LRP1B: variants seen among roughly 807,000 people sequenced by gnomAD.
The protein encoded by LRP1B is LDL receptor related protein 1B.
In LRP1B, 217 loss-of-function variants were observed where a neutral mutation model predicts 556.6. The ratio of observed to expected loss-of-function variants is 0.39; its 90% CI spans 0.35 to 0.44. The LOEUF is 0.44. LRP1B is among the 20% of genes least tolerant of loss of function. LRP1B has a pLI of 1.00. For synonymous variants in LRP1B, 2,047 were observed against 1,865.8 expected (o/e 1.10, Z -2.50); for missense variants, 5,053 against 5,620.8 (o/e 0.90, Z 3.23).
At chr2:141,739,730 G>T (rs1693627288) in intron 2 of LRP1B, among the ~76,000 whole-genome samples, 1 of 148,424 alleles carries the variant, frequency 6.7e-6, no homozygotes, top group African/African-American at 2.5e-5. Context: ...CAATACCAAT[G>T]AATAAAAGAT....
chr2:141,256,877 AAAAGT>A (rs1203761672), intron 3 of LRP1B, among the ~76,000 whole-genome samples: 1 of 152,062 alleles, frequency 6.6e-6, no homozygotes, highest in Non-Finnish European at 1.5e-5. Flanking sequence ...TTGAAACCTA[AAAAGT>A]AAAGAAGCAT....
At chr2:141,673,502 C>A (rs778524974) in intron 2 of LRP1B, among the ~76,000 whole-genome samples, 22 of 152,128 alleles carry the variant, frequency 1.4e-4, no homozygotes, top group Non-Finnish European at 3.1e-4. Context: ...TTTCATACAT[C>A]CTCTGGACAT....
intron 1 of LRP1B, among the ~76,000 whole-genome samples, chr2:141,951,363 A>G (rs565096786): frequency 6.6e-6 from 1 of 152,222 alleles, no homozygotes; most frequent in East Asian, 1.9e-4. Context: ...CCGAGTCCCC[A>G]AAGTCCGCTA....
At chr2:140,946,844 TA>T (rs1444248817) in intron 20 of LRP1B, among the ~76,000 whole-genome samples, 6 of 152,058 alleles carry the variant, frequency 3.9e-5, no homozygotes, top group African/African-American at 1.4e-4. Context: ...TATGCAACCA[TA>T]AAAAGGAACA....
intron 2 of LRP1B, among the ~76,000 whole-genome samples, chr2:141,591,508 A>T (rs1043799509): frequency 2.0e-4 from 31 of 151,234 alleles, no homozygotes; most frequent in African/African-American, 7.6e-4. Flanking sequence ...AGCAGAGGTC[A>T]ATTAGAAACA....
In LRP1B at chr2:141,927,903, C is replaced by CAA. The variant is rs5834879; in HGVS notation, c.83-117504_83-117503dup. 9.7e-3 allele frequency among the ~76,000 whole-genome samples: 1,083 copies of CAA among 111,090 alleles called. 25 individuals are homozygous for CAA. Among genetic ancestry groups the CAA allele is most frequent in the East Asian group, 0.03 (110 of 3,694 alleles). 72.9% of individuals were successfully genotyped at this position (111,090 alleles called of 152,430 possible). A position where few individuals can be genotyped will look rare whatever the true frequency, so the allele number is the denominator to read the frequency against. The stretch of plus-strand genomic sequence containing the variant: ...AAACTGAAACTCCAACTTGGCTTTA[C>CAA]AAAAAAAAAAAAAAAAAGAAAGAAA... On this transcript the variant is annotated intron_variant, in intron 1 of 90. Transcript: ENST00000389484.
intron 32 of LRP1B, among the ~76,000 whole-genome samples, chr2:140,787,811 GTGATC>G (rs1217650385): frequency 6.6e-6 from 1 of 151,962 alleles, no homozygotes; most frequent in African/African-American, 2.4e-5. Flanking sequence ...CTGGCCTCAA[GTGATC>G]TTCCTGCCTT....
intron 2 of LRP1B, among the ~76,000 whole-genome samples, chr2:141,571,073 G>A (rs1401256379): frequency 2.6e-5 from 4 of 151,256 alleles, no homozygotes; most frequent in Non-Finnish European, 5.9e-5. Flanking sequence ...CCTGTTAAAC[G>A]GGTCCTGTGC....
intron 18 of LRP1B, among the ~76,000 whole-genome samples, chr2:140,969,607 T>A (rs1696345551): frequency 6.6e-6 from 1 of 152,226 alleles, no homozygotes. Flanking sequence ...TGATGCAGTT[T>A]CTTCCTAGCA....
At chr2:142,130,307 G>C (rs1447184069) in intron 1 of LRP1B, among the ~76,000 whole-genome samples, 2 of 152,222 alleles carry the variant, frequency 1.3e-5, no homozygotes, top group Admixed American at 1.3e-4. Context: ...CATCGCGGAG[G>C]GAAGTCTTTC....
chr2:142,121,642 A>G (rs1707459784), intron 1 of LRP1B, among the ~76,000 whole-genome samples: 1 of 152,036 alleles, frequency 6.6e-6, no homozygotes, highest in African/African-American at 2.4e-5. Context: ...TCCCAATTGC[A>G]TTGTCCTCAG....
At chr2:142,042,596 A>G (rs1335130046) in intron 1 of LRP1B, among the ~76,000 whole-genome samples, 4 of 151,482 alleles carry the variant, frequency 2.6e-5, no homozygotes, top group Non-Finnish European at 5.9e-5. Flanking sequence ...AAAAGGGACA[A>G]TGTTTCTTCA....
At chr2:141,560,768 G>A (rs1171419012) in intron 2 of LRP1B, among the ~76,000 whole-genome samples, 1 of 151,410 alleles carries the variant, frequency 6.6e-6, no homozygotes, top group African/African-American at 2.4e-5. Flanking sequence ...CTAGTTTCAG[G>A]TCAGAAGATT....
rs144954416 is a variant in LRP1B at position 141,375,827 on chromosome 2, G to C, written c.343+104569C>G. On this transcript the variant is annotated intron_variant, in intron 3 of 90. Coordinates refer to ENST00000389484, the MANE Select transcript of LRP1B (RefSeq NM_018557.3). ...ACAGCAGACCACTGTGGGGCAGTGA[G>C]TACTGCCCTAGATATGTGTAAGAGA... 3.8e-3 allele frequency among the ~76,000 whole-genome samples: 578 copies of C among 152,268 alleles called. 3 individuals are homozygous for C. Among genetic ancestry groups the C allele is most frequent in the African/African-American group, 0.013 (551 of 41,552 alleles).
intron 2 of LRP1B, among the ~76,000 whole-genome samples, chr2:141,676,266 T>G (rs1408692896): frequency 6.6e-6 from 1 of 152,098 alleles, no homozygotes; most frequent in East Asian, 1.9e-4. Context: ...TGCCAAGCAG[T>G]GACCATTACG....
At chr2:140,284,691 C>T (rs749008498) in intron 84 of LRP1B, among the ~76,000 whole-genome samples, 66 of 149,138 alleles carry the variant, frequency 4.4e-4, no homozygotes, top group African/African-American at 1.3e-3. Context: ...GTTGAAGCAA[C>T]GATTTCTGAT....
At chr2:141,361,168 A>G (rs149937658) in intron 3 of LRP1B, among the ~76,000 whole-genome samples, 2,560 of 152,296 alleles carry the variant, frequency 0.017, 34 homozygotes, top group African/African-American at 0.021. Flanking sequence ...TATTTATTAG[A>G]AATATGGGAC....
At chr2:142,127,437 C>CG (rs2105022544) in intron 1 of LRP1B, among the ~76,000 whole-genome samples, 1 of 151,968 alleles carries the variant, frequency 6.6e-6, no homozygotes, top group Admixed American at 6.5e-5. Flanking sequence ...CTTCAGCTTT[C>CG]TCTTAACTCC....
chr2:141,253,513 A>C (rs1022396770), intron 4 of LRP1B, among the ~76,000 whole-genome samples: 14 of 152,150 alleles, frequency 9.2e-5, no homozygotes, highest in African/African-American at 3.4e-4. Context: ...GATAAGACTA[A>C]GTGGGCTCTG....
Sources: gnomAD v4.1 joint callset for allele counts (sites outside exome capture counted in the v4.1 genomes callset) on GRCh38, gnomAD v4.1.1 for gene constraint, MANE v1.5 for transcripts, NCBI Gene and HGNC (gene_info 2026-07-23, HGNC 2026-07-21) for gene names.